Variants in CSMD1 observed in about 807,000 individuals in gnomAD.
CSMD1 encodes the protein CUB and sushi domain-containing protein 1.
CSMD1 carries 213 observed loss-of-function variants against 417.5 expected under a neutral mutation model. The ratio of observed to expected loss-of-function variants is 0.51; its 90% CI spans 0.46 to 0.57. CSMD1 has a LOEUF of 0.57. Ranked by LOEUF, CSMD1 falls within the 20% of genes least tolerant of loss-of-function variation. The pLI, the probability that CSMD1 is intolerant of heterozygous loss-of-function variation, is 0.00. For missense variants in CSMD1, 6,923 were observed against 4,529.7 expected, an observed-to-expected ratio of 1.53 and a Z score of -15.17; for synonymous variants, 2,862 against 1,736.8, an observed-to-expected ratio of 1.65 and a Z score of -16.11.
chr8:2,998,771 A>G (rs1341511114), intron 53 of CSMD1, among the ~76,000 whole-genome samples: 2 of 152,222 alleles, frequency 1.3e-5, no homozygotes, highest in Non-Finnish European at 2.9e-5. Flanking sequence ...GCCCCAGATA[A>G]CAGCAAGACA....
Position 4,886,068 on chromosome 8 carries a change from G to C in CSMD1, c.85+108264C>G, listed in dbSNP as rs148947382. On this transcript the variant is annotated intron_variant, in intron 1 of 69. Coordinates refer to ENST00000635120, the MANE Select transcript of CSMD1 (RefSeq NM_033225.6). ...TGCAGTGGTGCAATCTTGGATCACTGCAACCTCCGTCTCCCAGGTTCAGAC... is the reference window on the plus strand; with the variant it reads ...TGCAGTGGTGCAATCTTGGATCACTCCAACCTCCGTCTCCCAGGTTCAGAC... 2.4e-3 allele frequency among the ~76,000 whole-genome samples: 372 copies of C among 152,140 alleles called. 5 individuals carry two copies. The highest frequency in any genetic ancestry group is 8.4e-3 in the African/African-American group (348 of 41,464).
chr8:3,759,085 G>A (rs1229680291), intron 5 of CSMD1, among the ~76,000 whole-genome samples: 2 of 152,218 alleles, frequency 1.3e-5, no homozygotes, highest in South Asian at 2.1e-4. Flanking sequence ...GATTGTAGAT[G>A]TGAGATTTCT....
intron 25 of CSMD1, among the ~76,000 whole-genome samples, chr8:3,302,402 A>C (rs1272217952): frequency 6.6e-6 from 1 of 152,050 alleles, no homozygotes; most frequent in East Asian, 1.9e-4. Context: ...TGCCTATCTA[A>C]GGTCTCTCCG....
At chr8:3,244,655 C>T (rs1563180352) in intron 26 of CSMD1, among the ~76,000 whole-genome samples, 1 of 152,196 alleles carries the variant, frequency 6.6e-6, no homozygotes, top group Non-Finnish European at 1.5e-5. Context: ...AGCTTTGATT[C>T]AGCCTTGAAT....
chr8:4,299,301 C>G (rs1797854840), intron 3 of CSMD1, among the ~76,000 whole-genome samples: 1 of 152,064 alleles, frequency 6.6e-6, no homozygotes, highest in Non-Finnish European at 1.5e-5. Flanking sequence ...CCCCCATCAC[C>G]CCCAGAGAAC....
intron 23 of CSMD1, among the ~76,000 whole-genome samples, chr8:3,327,769 T>G (rs1806629554): frequency 1.3e-5 from 2 of 152,194 alleles, no homozygotes; most frequent in African/African-American, 4.8e-5. Flanking sequence ...ATAAATCAGT[T>G]TATCTTTTAA....
intron 12 of CSMD1, among the ~76,000 whole-genome samples, chr8:3,451,616 A>T (rs1815722344): frequency 6.6e-6 from 1 of 152,186 alleles, no homozygotes. Flanking sequence ...GTCAAAGAGC[A>T]GATACTTGTA....
chr8:3,490,695 G>A (rs527515705), intron 11 of CSMD1, among the ~76,000 whole-genome samples: 52 of 152,184 alleles, frequency 3.4e-4, no homozygotes, highest in Admixed American at 2.3e-3. Flanking sequence ...CAAATAGCTG[G>A]AGCCAGAAAC....
rs1412667342 is a variant in CSMD1, at chr8:3,848,186, G to C, written c.819-94144C>G. ...AAGTTGGCATTTTTTACAGGCAAAA[G>C]CCAATGTCAGGAACAATCAGAAGTT... On this transcript the variant is annotated intron_variant, in intron 5 of 69. Transcript: ENST00000635120. Among the ~76,000 whole-genome samples, 9 of 152,178 alleles carry C rather than the reference G, an allele frequency of 5.9e-5. No individual in the cohort carries two copies. In the East Asian group the frequency reaches 1.4e-3, roughly 23 times the overall value.
chr8:4,779,551 G>C (rs561964839), intron 1 of CSMD1, among the ~76,000 whole-genome samples: 6 of 152,266 alleles, frequency 3.9e-5, no homozygotes, highest in South Asian at 4.1e-4. Context: ...GGTTATAAAT[G>C]TCAAGAACAA....
chr8:4,606,471 C>G (rs148792447), intron 2 of CSMD1, among the ~76,000 whole-genome samples: 2 of 152,270 alleles, frequency 1.3e-5, no homozygotes, highest in African/African-American at 4.8e-5. Context: ...ACAACATCAT[C>G]CGATGCCAAG....
chr8:3,655,667 T>G (rs2469391), intron 7 of CSMD1, among the ~76,000 whole-genome samples: 5 of 91,650 alleles, frequency 5.5e-5, no homozygotes, highest in Admixed American at 1.0e-4. Context: ...GCGTTTTTTT[T>G]TTTTTTTTTT....
chr8:4,138,880 A>T lies in CSMD1; in HGVS notation c.416-106781T>A, dbSNP rs12114247. On this transcript the variant is annotated intron_variant, in intron 3 of 69. Transcript: ENST00000635120. ...TTGTGAATTATTTAATAGGAAGGTTAATTTATATTTAATACAAATAATTTA... is the reference window on the plus strand; with the variant it reads ...TTGTGAATTATTTAATAGGAAGGTTTATTTATATTTAATACAAATAATTTA... 8.7e-3 allele frequency among the ~76,000 whole-genome samples: 1,331 copies of T among 152,270 alleles called. 14 individuals are homozygous for T. The highest frequency in any genetic ancestry group is 0.031 in the African/African-American group (1,292 of 41,570).
At chr8:3,635,097 T>C (rs1796967594) in intron 7 of CSMD1, among the ~76,000 whole-genome samples, 1 of 152,018 alleles carries the variant, frequency 6.6e-6, no homozygotes, top group African/African-American at 2.4e-5. Flanking sequence ...TAAACAGAGC[T>C]TGTGGGCCTT....
chr8:4,022,714 G>C (rs1307665245), intron 4 of CSMD1, among the ~76,000 whole-genome samples: 1 of 152,138 alleles, frequency 6.6e-6, no homozygotes. Flanking sequence ...AAAAGCTGTG[G>C]TGAAGTGACA....
intron 12 of CSMD1, among the ~76,000 whole-genome samples, chr8:3,438,755 C>T (rs1814739204): frequency 6.6e-6 from 1 of 152,120 alleles, no homozygotes; most frequent in South Asian, 2.1e-4. Context: ...GAAGCCTTCA[C>T]TTCTCTGAGA....
intron 2 of CSMD1, among the ~76,000 whole-genome samples, chr8:4,630,023 T>A (rs896844762): frequency 6.6e-6 from 1 of 152,250 alleles, no homozygotes; most frequent in East Asian, 1.9e-4. Context: ...CCCATATTAG[T>A]ATGGTTTTGC....
chr8:4,108,773 T>C (rs923172198), intron 3 of CSMD1, among the ~76,000 whole-genome samples: 1 of 152,226 alleles, frequency 6.6e-6, no homozygotes. Flanking sequence ...CATTAAGATC[T>C]GAAATATCTT....
chr8:4,002,093 A>G (rs111408840), intron 4 of CSMD1, among the ~76,000 whole-genome samples: 1 of 152,344 alleles, frequency 6.6e-6, no homozygotes, highest in Admixed American at 6.5e-5. Context: ...TTAATTGAAT[A>G]TTACACATAT....
Sources: gnomAD v4.1 joint callset for allele counts (sites outside exome capture counted in the v4.1 genomes callset) on GRCh38, gnomAD v4.1.1 for gene constraint, MANE v1.5 for transcripts, NCBI Gene and HGNC (gene_info 2026-07-23, HGNC 2026-07-21) for gene names.